CDS2: variants seen among roughly 807,000 people sequenced by gnomAD.
The protein encoded by CDS2 is phosphatidate cytidylyltransferase 2.
A neutral mutation model predicts 59.0 loss-of-function variants in CDS2; 47 were observed. That is an observed-to-expected ratio of 0.80 (90% CI 0.63 to 1.02). CDS2 has a LOEUF of 1.02. CDS2 is among the 50% of genes least tolerant of loss of function. The probability of loss-of-function intolerance (pLI) is 0.00; values close to 1 mark genes in which losing one functional copy is unlikely to be tolerated. For synonymous variants in CDS2, 207 were observed against 206.4 expected, an observed-to-expected ratio of 1.00 and a Z score of -0.02; for missense variants, 356 against 558.9, an observed-to-expected ratio of 0.64 and a Z score of 3.66.
At chr20:5,145,415 C>T (rs1015516234) in intron 1 of CDS2, among the ~76,000 whole-genome samples, 1 of 152,174 alleles carries the variant, frequency 6.6e-6, no homozygotes, top group South Asian at 2.1e-4. Context: ...GGGAATAGAG[C>T]TTGTAATTTG....
chr20:5,138,478 T>C (rs902926294), intron 1 of CDS2, among the ~76,000 whole-genome samples: 10 of 152,016 alleles, frequency 6.6e-5, no homozygotes, highest in Non-Finnish European at 1.2e-4. Context: ...TTAATTTAAT[T>C]TGTTAATTAA....
In CDS2 at chr20:5,192,167, T is replaced by C. The variant is rs1189701798; in HGVS notation, c.*1933T>C. 6.6e-6 allele frequency: 1 copy of C among 152,200 alleles called. No individual in the cohort carries two copies. Among genetic ancestry groups the C allele is most frequent in the Non-Finnish European group, 1.5e-5 (1 of 68,082 alleles). The allele number at this position is 152,200 out of a possible 1,614,324, so 9.4% of individuals were successfully genotyped here. A position where few individuals can be genotyped will look rare whatever the true frequency, so the allele number is the denominator to read the frequency against. ...TCACCAAACTAGATACCGAAAGGGC[T>C]CCTCATTTGTCTCTTTTGTCCCATT... is the stretch of plus-strand genomic sequence containing the variant. On this transcript the variant is annotated 3_prime_UTR_variant, in exon 13 of 13. Transcript: ENST00000460006.
intron 1 of CDS2, among the ~76,000 whole-genome samples, chr20:5,138,489 T>C (rs997794008): frequency 6.6e-6 from 1 of 152,044 alleles, no homozygotes; most frequent in African/African-American, 2.4e-5. Context: ...TGTTAATTAA[T>C]TTTATTTATT....
chr20:5,151,482 TG>T (rs763905702), intron 1 of CDS2, among the ~76,000 whole-genome samples: 2 of 152,180 alleles, frequency 1.3e-5, no homozygotes, highest in African/African-American at 2.4e-5. Flanking sequence ...CAGTGATCAG[TG>T]GGCAAGGTGG....
chr20:5,175,734 C>T (rs1193681636), intron 3 of CDS2: 18 of 164,750 alleles, frequency 1.1e-4, no homozygotes, highest in Admixed American at 8.5e-4. Context: ...TGCAGTGAGC[C>T]GAGATCATGC....
intron 1 of CDS2, among the ~76,000 whole-genome samples, chr20:5,165,790 G>A (rs1241057346): frequency 6.6e-6 from 1 of 152,190 alleles, no homozygotes; most frequent in Non-Finnish European, 1.5e-5. Flanking sequence ...ACTCTTAAAA[G>A]ATCAAGGAAA....
rs993103866 is a variant in CDS2 at position 5,194,759 on chromosome 20, C to G, written c.*4525C>G. 4 of 152,104 alleles carry G rather than the reference C, an allele frequency of 2.6e-5. No individual in the cohort carries two copies. Among genetic ancestry groups the G allele is most frequent in the African/African-American group, 7.2e-5 (3 of 41,398 alleles). The allele number at this position is 152,104 out of a possible 1,614,324, so 9.4% of individuals were successfully genotyped here. On this transcript the variant is annotated 3_prime_UTR_variant, in exon 13 of 13. Transcript: ENST00000460006. ...TGTTTAAAGACCCTGTCTCCTCCCC[C>G]ACCCTCCCCTTCCTTTTCCCATCAA...
In CDS2 at chr20:5,182,454, A is replaced by G; in HGVS notation, c.588+9A>G. Reference sequence around the variant, plus strand: ...GACTGCAGTTCTACATGGTAAAGGAAATGCATGCGTGTGTGTCAGAATTCT... The same window carrying G: ...GACTGCAGTTCTACATGGTAAAGGAGATGCATGCGTGTGTGTCAGAATTCT... On this transcript the variant is annotated intron_variant, in intron 6 of 12. Transcript: ENST00000460006. 2 of 1,609,184 alleles carry G rather than the reference A, an allele frequency of 1.2e-6. No individual in the cohort carries two copies. The highest frequency in any genetic ancestry group is 1.7e-6 in the Non-Finnish European group (2 of 1,177,028).
At chr20:5,160,234 G>A (rs1274311590) in intron 1 of CDS2, among the ~76,000 whole-genome samples, 2 of 152,190 alleles carry the variant, frequency 1.3e-5, no homozygotes, top group Non-Finnish European at 2.9e-5. Context: ...CTTTGCTTAG[G>A]TCTTTTCTTA....
intron 1 of CDS2, among the ~76,000 whole-genome samples, chr20:5,169,860 G>A (rs2090942135): frequency 6.6e-6 from 1 of 152,176 alleles, no homozygotes; most frequent in Non-Finnish European, 1.5e-5. Flanking sequence ...CTTGAAGCAA[G>A]GTAGGCAAAT....
chr20:5,132,898 C>T lies in CDS2; in HGVS notation c.57+5749C>T, dbSNP rs529023818. On this transcript the variant is annotated intron_variant, in intron 1 of 12. Transcript: ENST00000460006. ...ATTAGAAGAATTTTTATCGGCCGGG[C>T]GCGGTGGCTCACGCCTGTAATCCCA... 1.1e-3 allele frequency among the ~76,000 whole-genome samples: 171 copies of T among 152,098 alleles called. 1 individual carries two copies. Among genetic ancestry groups the T allele is most frequent in the African/African-American group, 3.1e-3 (128 of 41,488 alleles).
chr20:5,168,251 C>T lies in CDS2; in HGVS notation c.58-5272C>T, dbSNP rs192804865. On this transcript the variant is annotated intron_variant, in intron 1 of 12. Coordinates refer to ENST00000460006, the MANE Select transcript of CDS2 (RefSeq NM_003818.4). ...CCAATGTGGCAAAACCCCATCTCTACTAAAAATATAAAAATTATCTGGGCG... is the reference window on the plus strand; with the variant it reads ...CCAATGTGGCAAAACCCCATCTCTATTAAAAATATAAAAATTATCTGGGCG... Among the ~76,000 whole-genome samples the T allele has an allele frequency of 3.6e-3, 544 of 150,052 alleles. 5 individuals carry two copies. Among genetic ancestry groups the T allele is most frequent in the African/African-American group, 0.013 (522 of 39,736 alleles).
chr20:5,152,006 C>G (rs1035732308), intron 1 of CDS2, among the ~76,000 whole-genome samples: 2 of 151,164 alleles, frequency 1.3e-5, no homozygotes, highest in Non-Finnish European at 3.0e-5. Flanking sequence ...TCAGAAGATC[C>G]GCCTGCCTCA....
At chr20:5,127,409 G>A (rs1268650558) in intron 1 of CDS2, among the ~76,000 whole-genome samples, 1 of 152,090 alleles carries the variant, frequency 6.6e-6, no homozygotes, top group Non-Finnish European at 1.5e-5. Context: ...CGGGAGTGGC[G>A]CACGGCCTCC....
intron 6 of CDS2, among the ~76,000 whole-genome samples, chr20:5,182,796 T>C (rs2091040851): frequency 6.6e-6 from 1 of 152,234 alleles, no homozygotes; most frequent in African/African-American, 2.4e-5. Flanking sequence ...CCTCTCTGAG[T>C]GCTCCAGGTG....
chr20:5,179,670 G>A (rs138869207), intron 5 of CDS2, among the ~76,000 whole-genome samples: 1 of 152,234 alleles, frequency 6.6e-6, no homozygotes, highest in South Asian at 2.1e-4. Flanking sequence ...GGATTTGGGC[G>A]TAGACTCTGC....
intron 1 of CDS2, among the ~76,000 whole-genome samples, chr20:5,165,112 G>A (rs2090904142): frequency 1.3e-5 from 2 of 152,188 alleles, no homozygotes. Flanking sequence ...CAGTACAACT[G>A]TACGTATTTG....
At chr20:5,148,341 C>T (rs2090760603) in intron 1 of CDS2, among the ~76,000 whole-genome samples, 2 of 152,094 alleles carry the variant, frequency 1.3e-5, no homozygotes, top group Admixed American at 6.6e-5. Flanking sequence ...TTTATGGGGG[C>T]ACTTCTCTCT....
chr20:5,167,338 G>T (rs1310343961), intron 1 of CDS2, among the ~76,000 whole-genome samples: 1 of 152,202 alleles, frequency 6.6e-6, no homozygotes, highest in Non-Finnish European at 1.5e-5. Context: ...CATTATTGCT[G>T]TGAGGCTTTT....
Sources: gnomAD v4.1 joint callset for allele counts (sites outside exome capture counted in the v4.1 genomes callset) on GRCh38, gnomAD v4.1.1 for gene constraint, MANE v1.5 for transcripts, NCBI Gene and HGNC (gene_info 2026-07-23, HGNC 2026-07-21) for gene names.